The following MCM9 variants were observed in gnomAD, a reference collection of about 807,000 sequenced individuals.
MCM9 encodes minichromosome maintenance 9 homologous recombination repair factor, also known as DNA helicase MCM9.
A neutral mutation model predicts 72.8 loss-of-function variants in MCM9; 55 were observed. That is an observed-to-expected ratio of 0.76 (90% confidence interval 0.61 to 0.95). The LOEUF (loss-of-function observed/expected upper bound fraction) is 0.95. Ranked by LOEUF, MCM9 falls within the 40% of genes least tolerant of loss-of-function variation. The pLI is 0.00. For synonymous variants in MCM9, 480 were observed against 503.4 expected, an observed-to-expected ratio of 0.95 and a Z score of 0.62; for missense variants, 1,279 against 1,377.0, an observed-to-expected ratio of 0.93 and a Z score of 1.13.
At chr6:118,897,931 A>G (rs1779543478) in intron 8 of MCM9, among the ~76,000 whole-genome samples, 1 of 152,182 alleles carries the variant, frequency 6.6e-6, no homozygotes, top group African/African-American at 2.4e-5. Flanking sequence ...AAATCAATGT[A>G]CAAGTGTTCC....
At chr6:118,879,668 T>A (rs182685743) in intron 8 of MCM9, among the ~76,000 whole-genome samples, 4 of 152,158 alleles carry the variant, frequency 2.6e-5, no homozygotes, top group Admixed American at 2.6e-4. Context: ...GTATGTGGCC[T>A]TTTACAGAAA....
At chr6:118,870,911 A>G (rs1777556411) in intron 8 of MCM9, among the ~76,000 whole-genome samples, 1 of 152,158 alleles carries the variant, frequency 6.6e-6, no homozygotes, top group Non-Finnish European at 1.5e-5. Context: ...CCAAAAAATT[A>G]TTGAAAATCT....
At chr6:118,904,630 A>G (rs567897516) in intron 8 of MCM9, among the ~76,000 whole-genome samples, 1 of 152,318 alleles carries the variant, frequency 6.6e-6, no homozygotes, top group South Asian at 2.1e-4. Context: ...TACTTTCTGC[A>G]TTCCTCAAGG....
chr6:118,846,078 G>A (rs1163102271), intron 9 of MCM9, among the ~76,000 whole-genome samples: 2 of 151,674 alleles, frequency 1.3e-5, no homozygotes, highest in African/African-American at 2.4e-5. Flanking sequence ...TACAGTAAAA[G>A]TCAACATTTA....
chr6:118,855,783 A>C (rs1224576061), intron 9 of MCM9, among the ~76,000 whole-genome samples: 1 of 151,894 alleles, frequency 6.6e-6, no homozygotes. Context: ...GTTTCCTATA[A>C]CCATTTCAGT....
At chr6:118,898,020 CCT>C (rs1779552835) in intron 8 of MCM9, among the ~76,000 whole-genome samples, 1 of 152,284 alleles carries the variant, frequency 6.6e-6, no homozygotes, top group East Asian at 1.9e-4. Context: ...AAATAAATTC[CCT>C]TATTCCACTG....
Position 118,911,666 on chromosome 6 carries a change from A to G in MCM9, c.1134T>C (p.Ile378=), listed in dbSNP as rs755062833. The G allele has an allele frequency of 2.5e-6, 4 of 1,612,084 alleles. No individual in the cohort carries two copies. The highest frequency in any genetic ancestry group is 3.4e-6 in the Non-Finnish European group (4 of 1,178,956). The change falls in exon 8 of 14, where the codon ATT becomes ATC. Residue 378 remains isoleucine (I), a synonymous_variant. Coordinates refer to ENST00000619706, the MANE Select transcript of MCM9 (RefSeq NM_017696.3). ...ATACAATACCTGCACTAGTAGATCC[A>G]ATTCCTGTGGTCAGCACAGATCTTG... ...ITPRSVLTTG[I]GSTSAGLTVT... is the part of the protein sequence containing the mutation.
chr6:118,927,606 C>CA (rs559044707), intron 3 of MCM9, among the ~76,000 whole-genome samples: 65 of 125,064 alleles, frequency 5.2e-4, no homozygotes, highest in East Asian at 1.1e-3. Context: ...ACTCTTGTCT[C>CA]AAAAAAAAAA....
rs1047792987 is a variant in MCM9 at position 118,856,241 on chromosome 6, T to C, written c.1325+130A>G. On this transcript the variant is annotated intron_variant, in intron 9 of 13. Transcript: ENST00000619706. The stretch of plus-strand genomic sequence containing the variant: ...TAATAAGGAAAAACTCTAATGTGTG[T>C]CTTGAAGGGTGGTAACTGATCATCC... 78 of 797,716 alleles carry C rather than the reference T, an allele frequency of 9.8e-5. No individual in the cohort carries two copies. In the African/African-American group the frequency reaches 1.3e-3, roughly 14 times the overall value. The allele number at this position is 797,716 out of a possible 1,614,324, so 49.4% of individuals were successfully genotyped here.
At chr6:118,893,051 T>C (rs994867227) in intron 8 of MCM9, among the ~76,000 whole-genome samples, 9 of 152,128 alleles carry the variant, frequency 5.9e-5, no homozygotes, top group Non-Finnish European at 8.8e-5. Flanking sequence ...TCACAACATT[T>C]AAGGAAAAAA....
intron 8 of MCM9, among the ~76,000 whole-genome samples, chr6:118,867,830 A>G (rs949788106): frequency 2.6e-5 from 4 of 151,786 alleles, no homozygotes; most frequent in African/African-American, 7.3e-5. Flanking sequence ...AAAATACTCT[A>G]GTAATACAAT....
chr6:118,819,551 T>C (rs1032675329), intron 13 of MCM9, among the ~76,000 whole-genome samples: 5 of 152,220 alleles, frequency 3.3e-5, no homozygotes, highest in Non-Finnish European at 7.3e-5. Context: ...TTCACATCAA[T>C]GTTCATCAGG....
Position 118,877,444 on chromosome 6 carries a change from G to A in MCM9, c.1151-20899C>T, listed in dbSNP as rs1157659385. Among the ~76,000 whole-genome samples, 4 of 152,098 alleles carry A rather than the reference G, an allele frequency of 2.6e-5. No homozygotes were observed. In the East Asian group the frequency reaches 7.7e-4, roughly 29 times the overall value. On this transcript the variant is annotated intron_variant, in intron 8 of 13. Transcript: ENST00000619706. ...AAAGTCAATAAACACATGAAAAGGT[G>A]CTCAACCTCATAAATAATAAGGAAA...
In MCM9 at chr6:118,886,037, G is replaced by C. The variant is rs146065859; in HGVS notation, c.1150+25613C>G. Among the ~76,000 whole-genome samples, 537 of 138,440 alleles carry C rather than the reference G, an allele frequency of 3.9e-3. 7 individuals carry two copies. The highest frequency in any genetic ancestry group is 2.6e-3 in the Non-Finnish European group (172 of 65,232). 90.8% of individuals were successfully genotyped at this position (138,440 alleles called of 152,430 possible). On this transcript the variant is annotated intron_variant, in intron 8 of 13. Coordinates refer to ENST00000619706, the MANE Select transcript of MCM9 (RefSeq NM_017696.3). The stretch of plus-strand genomic sequence containing the variant: ...AAAAATCAATCAATATGGTATTCTC[G>C]TTAGTAGAATAAGGGACCAAAAAAA...
intron 9 of MCM9, among the ~76,000 whole-genome samples, chr6:118,855,648 C>G (rs1187322138): frequency 6.6e-6 from 1 of 152,120 alleles, no homozygotes; most frequent in Admixed American, 6.5e-5. Flanking sequence ...TGCTGGCAGC[C>G]CTACCTGTCT....
intron 8 of MCM9, among the ~76,000 whole-genome samples, chr6:118,900,052 T>C (rs1340911236): frequency 6.6e-6 from 1 of 152,212 alleles, no homozygotes; most frequent in Non-Finnish European, 1.5e-5. Context: ...TATAACGCCT[T>C]GAATTGCACC....
chr6:118,874,618 T>C (rs754277651), intron 8 of MCM9, among the ~76,000 whole-genome samples: 54 of 152,298 alleles, frequency 3.5e-4, no homozygotes, highest in African/African-American at 1.1e-3. Flanking sequence ...ACAAAAAGTA[T>C]ACCGACTGGG....
At chr6:118,897,534 AG>A in intron 8 of MCM9, among the ~76,000 whole-genome samples, 1 of 152,244 alleles carries the variant, frequency 6.6e-6, no homozygotes, top group Middle Eastern at 3.4e-3. Context: ...TTCCAACTTC[AG>A]CTTGTTCTAA....
At chr6:118,836,072 T>C (rs1583377293) in intron 9 of MCM9, among the ~76,000 whole-genome samples, 1 of 152,372 alleles carries the variant, frequency 6.6e-6, no homozygotes, top group East Asian at 1.9e-4. Context: ...TATTGAATTT[T>C]ATTGAAGGCC....
Sources: allele counts gnomAD v4.1 joint callset (sites outside exome capture counted in the v4.1 genomes callset), GRCh38; gene constraint gnomAD v4.1.1; transcripts MANE v1.5; gene names NCBI Gene and HGNC (gene_info 2026-07-23, HGNC 2026-07-21).